Variants in SOS1 observed in about 807,000 individuals in gnomAD.
SOS1 encodes son of sevenless homolog 1.
A neutral mutation model predicts 157.6 loss-of-function variants in SOS1; 25 were observed. The ratio of observed to expected loss-of-function variants is 0.16; its 90% confidence interval spans 0.12 to 0.22. The LOEUF (loss-of-function observed/expected upper bound fraction) is 0.22. SOS1 is among the 10% of genes least tolerant of loss of function. The probability of loss-of-function intolerance (pLI) is 1.00; values close to 1 mark genes in which losing one functional copy is unlikely to be tolerated. For missense variants in SOS1, 1,237 were observed against 1,599.1 expected (o/e 0.77, Z 3.86); for synonymous variants, 528 against 534.0 (o/e 0.99, Z 0.16).
intron 2 of SOS1, among the ~76,000 whole-genome samples, chr2:39,063,068 T>A (rs756970599): frequency 1.8e-4 from 27 of 152,030 alleles, no homozygotes; most frequent in Non-Finnish European, 3.7e-4. Context: ...AATATTTTTT[T>A]AAAAATAAAA....
chr2:39,078,857 C>T (rs1242369224), intron 1 of SOS1, among the ~76,000 whole-genome samples: 1 of 152,044 alleles, frequency 6.6e-6, no homozygotes, highest in African/African-American at 2.4e-5. Flanking sequence ...GTCAAGAGAT[C>T]GAGATCATCC....
intron 6 of SOS1, among the ~76,000 whole-genome samples, chr2:39,045,273 A>AGTGTGT (rs60673777): frequency 0.37 from 40,672 of 108,498 alleles, 7,743 homozygotes; most frequent in Middle Eastern, 0.47. Flanking sequence ...AGAGAGAGAG[A>AGTGTGT]GTGTGTGTGT....
In SOS1 at chr2:39,054,828, A is replaced by G. The variant is rs1558491271; in HGVS notation, c.511-5T>C. ...ATGAAACATATCCATCAATACCTAT[A>G]CAGTCAGAGATATAAAAAAGTATAA... On this transcript the variant is annotated splice_polypyrimidine_tract_variant and splice_region_variant and intron_variant, in intron 4 of 22. Transcript: ENST00000402219. The G allele has an allele frequency of 4.8e-6, 6 of 1,255,830 alleles. No individual in the cohort carries two copies. The highest frequency in any genetic ancestry group is 1.5e-5 in the African/African-American group (1 of 67,910). 77.8% of individuals were successfully genotyped at this position (1,255,830 alleles called of 1,614,324 possible).
intron 18 of SOS1, 71 bp from the exon 19 acceptor site, chr2:38,997,109 TAAG>T (rs755575849): frequency 5.7e-5 from 61 of 1,065,600 alleles, no homozygotes; most frequent in Middle Eastern, 2.8e-4. Flanking sequence ...CATGGAAAGT[TAAG>T]AAAACATTTA....
intron 5 of SOS1, among the ~76,000 whole-genome samples, chr2:39,051,683 T>C (rs1671021438): frequency 6.6e-6 from 1 of 152,158 alleles, no homozygotes; most frequent in Non-Finnish European, 1.5e-5. Flanking sequence ...AAATAGCACT[T>C]TTATAAAAAG....
intron 1 of SOS1, among the ~76,000 whole-genome samples, chr2:39,114,016 T>C (rs925501460): frequency 2.0e-5 from 3 of 152,240 alleles, no homozygotes; most frequent in African/African-American, 4.8e-5. Flanking sequence ...ACCCCTTAGC[T>C]GCCAAACTTA....
chr2:38,985,590 T>G lies in SOS1; in HGVS notation c.*234A>C. 1 of 503,174 alleles carries G rather than the reference T, an allele frequency of 2.0e-6. No homozygotes were observed. The allele number at this position is 503,174 out of a possible 1,614,324, so 31.2% of individuals were successfully genotyped here. A position where few individuals can be genotyped will look rare whatever the true frequency, so the allele number is the denominator to read the frequency against. On this transcript the variant is annotated 3_prime_UTR_variant, in exon 23 of 23. Transcript: ENST00000402219. ...AAAAAGTCCCTTTATGATTTTCAGG[T>G]GCAATCAGTTGTCCAATTCCTCTAG...
intron 1 of SOS1, chr2:39,098,309 A>T (rs1450074307): frequency 2.8e-5 from 7 of 251,864 alleles, no homozygotes; most frequent in Middle Eastern, 1.5e-3. Context: ...CTGATCCAAC[A>T]TCTACTGTTG....
chr2:39,013,833 A>G (rs1396602417), intron 12 of SOS1, 34 bp downstream of exon 12: 11 of 1,590,554 alleles, frequency 6.9e-6, no homozygotes, highest in African/African-American at 2.7e-5. Context: ...AAAGTTTGAT[A>G]AAGACTTATT....
At chr2:39,036,718 C>T (rs1237370361) in intron 6 of SOS1, among the ~76,000 whole-genome samples, 1 of 152,026 alleles carries the variant, frequency 6.6e-6, no homozygotes, top group Non-Finnish European at 1.5e-5. Flanking sequence ...GGATTACAGG[C>T]ATCCGCCACC....
rs1437978332 is a variant in SOS1, at chr2:39,120,525, C to G, written c.-103G>C. The G allele has an allele frequency of 5.3e-6, 6 of 1,132,330 alleles. No homozygotes were observed. In the East Asian group the frequency reaches 2.8e-4, roughly 53 times the overall value. 70.1% of individuals were successfully genotyped at this position (1,132,330 alleles called of 1,614,324 possible). On this transcript the variant is annotated 5_prime_UTR_variant, in exon 1 of 23. Transcript: ENST00000402219. ...AGCGCGGAACAGGGCCGCGGCCCCA[C>G]CGGACGGCCCGGCCCCCTCCGGGCG...
chr2:39,023,333 G>A, intron 9 of SOS1, 108 bp from the exon 10 acceptor site: 1 of 748,756 alleles, frequency 1.3e-6, no homozygotes, highest in Non-Finnish European at 2.2e-6. Context: ...CACTGAGAAG[G>A]TATTCACTAA....
chr2:38,993,131 A>T (rs1668783742), intron 20 of SOS1: 1 of 151,912 alleles, frequency 6.6e-6, no homozygotes, highest in Non-Finnish European at 1.5e-5. Flanking sequence ...GTCACCAAAT[A>T]ATGCCAAGTC....
rs746396499 is a variant in SOS1 at position 38,997,342 on chromosome 2, T to C, written c.2875A>G (p.Ser959Gly). 4 of 1,613,038 alleles carry C rather than the reference T, an allele frequency of 2.5e-6. No homozygotes were observed. The highest frequency in any genetic ancestry group is 2.5e-6 in the Non-Finnish European group (3 of 1,179,302). The change falls in exon 18 of 23, where the codon AGC becomes GGC. Residue 959 changes from serine (S) to glycine (G), a missense_variant. Transcript: ENST00000402219. ...ATTTCTGCTACTTTCCTCCTTTTGC[T>C]AAAGTTTATAAGCTCTTTTCCATGT... ...KRHGKELINF[S>G]KRRKVAEITG... is the part of the protein sequence containing the mutation.
intron 10 of SOS1, among the ~76,000 whole-genome samples, chr2:39,021,525 GAAAAA>G (rs70954777): frequency 5.7e-5 from 6 of 104,702 alleles, no homozygotes; most frequent in African/African-American, 1.1e-4. Context: ...TGCTCTACAG[GAAAAA>G]AAAAAAAAAA....
At chr2:39,041,790 T>C (rs1048629746) in intron 6 of SOS1, among the ~76,000 whole-genome samples, 9 of 152,256 alleles carry the variant, frequency 5.9e-5, no homozygotes, top group African/African-American at 1.9e-4. Flanking sequence ...CTTTCTGGTT[T>C]ACTCTATGTG....
intron 1 of SOS1, among the ~76,000 whole-genome samples, chr2:39,080,184 G>T (rs897126858): frequency 6.6e-6 from 1 of 151,762 alleles, no homozygotes; most frequent in Admixed American, 6.6e-5. Context: ...GGTCCCATAT[G>T]GGGGGGAATG....
intron 3 of SOS1, among the ~76,000 whole-genome samples, chr2:39,057,993 T>A (rs1405484614): frequency 3.3e-5 from 5 of 152,110 alleles, no homozygotes; most frequent in Non-Finnish European, 7.4e-5. Flanking sequence ...ATAACTTTGT[T>A]GAATAATAAA....
chr2:39,050,141 C>G lies in SOS1; in HGVS notation c.864+1003G>C, dbSNP rs371667163. Among the ~76,000 whole-genome samples, 14 of 152,164 alleles carry G rather than the reference C, an allele frequency of 9.2e-5. No homozygotes were observed. The East Asian group carries it at 1.5e-3, about 17-fold the overall frequency. On this transcript the variant is annotated intron_variant, in intron 6 of 22. Transcript: ENST00000402219. ...TGCTTGAACTTACCATTCTATTTTG[C>G]CTGAAAGTCTTAATTAAAAAAATAT...
Sources: gnomAD v4.1 joint callset for allele counts (sites outside exome capture counted in the v4.1 genomes callset) on GRCh38, gnomAD v4.1.1 for gene constraint, MANE v1.5 for transcripts, NCBI Gene and HGNC (gene_info 2026-07-23, HGNC 2026-07-21) for gene names.